CCDC178: variants seen among roughly 807,000 people sequenced by gnomAD.
The protein encoded by CCDC178 is coiled-coil domain containing 178, also known as coiled-coil domain-containing protein 178.
A neutral mutation model predicts 117.4 loss-of-function variants in CCDC178; 126 were observed. The observed-to-expected ratio is 1.07, with a 90% CI of 0.93 to 1.24. The LOEUF (loss-of-function observed/expected upper bound fraction) is 1.24. CCDC178 is among the 50% of genes most tolerant of loss of function. CCDC178 has a pLI of 0.00. For synonymous variants in CCDC178, 283 were observed against 313.4 expected, an observed-to-expected ratio of 0.90 and a Z score of 1.02; for missense variants, 1,030 against 986.9, an observed-to-expected ratio of 1.04 and a Z score of -0.59.
At chr18:33,090,644 G>A (rs922945822) in intron 21 of CCDC178, among the ~76,000 whole-genome samples, 1 of 152,136 alleles carries the variant, frequency 6.6e-6, no homozygotes, top group Non-Finnish European at 1.5e-5. Context: ...CATCAATAAG[G>A]CCTCTCTGTC....
chr18:33,092,114 G>A (rs1411189141), intron 21 of CCDC178, among the ~76,000 whole-genome samples: 1 of 151,938 alleles, frequency 6.6e-6, no homozygotes, highest in Non-Finnish European at 1.5e-5. Flanking sequence ...TGAATCCTGG[G>A]GGAAAACAAA....
chr18:33,111,589 A>G (rs1202529669), intron 20 of CCDC178, among the ~76,000 whole-genome samples: 2 of 151,634 alleles, frequency 1.3e-5, no homozygotes, highest in Non-Finnish European at 3.0e-5. Context: ...CAAGTTATTA[A>G]TTACCTTTTC....
chr18:33,310,216 C>A (rs1044204706), intron 11 of CCDC178, among the ~76,000 whole-genome samples: 9 of 152,050 alleles, frequency 5.9e-5, no homozygotes, highest in Non-Finnish European at 1.0e-4. Context: ...ACCTCGGCCT[C>A]CCAAAATGCT....
At chr18:33,260,509 T>C (rs2059731125) in intron 14 of CCDC178, among the ~76,000 whole-genome samples, 2 of 151,346 alleles carry the variant, frequency 1.3e-5, no homozygotes, top group South Asian at 4.1e-4. Context: ...ACCAATTTTT[T>C]TGGTTTATCA....
Position 33,215,556 on chromosome 18 carries a change from AT to A in CCDC178, c.2071del (p.Ile691TyrfsTer2). The A allele has an allele frequency of 7.2e-7, 1 of 1,386,970 alleles. No homozygotes were observed. The highest frequency in any genetic ancestry group is 9.6e-7 in the Non-Finnish European group (1 of 1,037,322). 85.9% of individuals were successfully genotyped at this position (1,386,970 alleles called of 1,614,324 possible). On this transcript the variant is annotated frameshift_variant, in exon 19 of 23. Coordinates refer to ENST00000383096, the MANE Select transcript of CCDC178 (RefSeq NM_001105528.4). LOFTEE classifies it high-confidence loss of function. Reference sequence around the variant, plus strand: ...ATAAAGTTTAAGTACTTACTTTAATATTTCAAGTGTCTGATCAAAACTTTTC... The same window carrying A: ...ATAAAGTTTAAGTACTTACTTTAATATTCAAGTGTCTGATCAAAACTTTTC... ...EKKSFDQTLE[I>X]LKNKFITMRF...
chr18:33,410,742 G>A (rs1372885169), intron 3 of CCDC178, among the ~76,000 whole-genome samples: 3 of 152,194 alleles, frequency 2.0e-5, no homozygotes, highest in African/African-American at 7.2e-5. Context: ...CCATCAAGAG[G>A]TGGAGTCTAA....
intron 2 of CCDC178, among the ~76,000 whole-genome samples, chr18:33,437,218 A>G (rs1347493852): frequency 6.6e-6 from 1 of 152,236 alleles, no homozygotes; most frequent in Non-Finnish European, 1.5e-5. Context: ...TTTTTACCTC[A>G]AGGAAAACAA....
chr18:33,425,821 A>T (rs1406198983), intron 2 of CCDC178, among the ~76,000 whole-genome samples: 1 of 152,154 alleles, frequency 6.6e-6, no homozygotes, highest in Non-Finnish European at 1.5e-5. Flanking sequence ...ACATTTCTAG[A>T]GGCTCTCTTC....
intron 11 of CCDC178, among the ~76,000 whole-genome samples, chr18:33,310,436 A>T (rs2144949141): frequency 1.3e-5 from 2 of 152,340 alleles, no homozygotes; most frequent in Middle Eastern, 6.8e-3. Flanking sequence ...TCACACCTGT[A>T]ATCTCAGCAC....
chr18:33,258,460 C>T (rs560456396), intron 14 of CCDC178, among the ~76,000 whole-genome samples: 37 of 152,220 alleles, frequency 2.4e-4, no homozygotes, highest in African/African-American at 7.7e-4. Flanking sequence ...GAGGTGACAC[C>T]GAATATTCTT....
At chr18:32,947,134 T>TA (rs2054374982) in intron 22 of CCDC178, among the ~76,000 whole-genome samples, 1 of 152,118 alleles carries the variant, frequency 6.6e-6, no homozygotes, top group Non-Finnish European at 1.5e-5. Context: ...CGAGGGGACT[T>TA]ACAAAGAAGA....
At chr18:33,026,265 T>C (rs753354356) in intron 21 of CCDC178, among the ~76,000 whole-genome samples, 2 of 152,078 alleles carry the variant, frequency 1.3e-5, no homozygotes, top group Non-Finnish European at 2.9e-5. Flanking sequence ...GGAATCCTGG[T>C]GTTAATCAGC....
chr18:33,082,576 G>A (rs2057314670), intron 21 of CCDC178, among the ~76,000 whole-genome samples: 1 of 152,154 alleles, frequency 6.6e-6, no homozygotes, highest in Non-Finnish European at 1.5e-5. Flanking sequence ...AAATGATTGT[G>A]TGGCTCACTA....
chr18:33,268,362 T>C (rs1053549157), intron 12 of CCDC178, among the ~76,000 whole-genome samples: 2 of 151,692 alleles, frequency 1.3e-5, no homozygotes, highest in Admixed American at 1.3e-4. Flanking sequence ...CTGAATTCAG[T>C]GAGAGAGAAG....
chr18:33,141,012 C>CCCTGAACAAGCTCTCTCTTTGCCTGTT (rs375331521), intron 20 of CCDC178, among the ~76,000 whole-genome samples: 44 of 152,214 alleles, frequency 2.9e-4, no homozygotes, highest in African/African-American at 1.0e-3. Context: ...ATGGGAGTTT[C>CCCTGAACAAGCTCTCTCTTTGCCTGTT]CCTGAACAAG....
intron 21 of CCDC178, among the ~76,000 whole-genome samples, chr18:33,022,274 A>C (rs2144832328): frequency 6.6e-6 from 1 of 152,328 alleles, no homozygotes; most frequent in South Asian, 2.1e-4. Context: ...ACAGAAAGGA[A>C]ATGATAAAGG....
chr18:33,205,974 A>C (rs753637626), intron 20 of CCDC178, among the ~76,000 whole-genome samples: 1 of 152,184 alleles, frequency 6.6e-6, no homozygotes, highest in Admixed American at 6.5e-5. Context: ...GATTGCAGGC[A>C]TGCCTCACAG....
chr18:32,944,919 G>A (rs569067436), intron 22 of CCDC178, among the ~76,000 whole-genome samples: 11 of 152,210 alleles, frequency 7.2e-5, no homozygotes, highest in South Asian at 2.1e-4. Flanking sequence ...GCCTTCTGCC[G>A]TGACTGTGAG....
chr18:33,227,281 CA>C (rs2144638196), intron 15 of CCDC178, among the ~76,000 whole-genome samples: 1 of 148,738 alleles, frequency 6.7e-6, no homozygotes, highest in South Asian at 2.1e-4. Context: ...TTAGCTAGAA[CA>C]ATTCCTTTTT....
Sources: allele counts gnomAD v4.1 joint callset (sites outside exome capture counted in the v4.1 genomes callset), GRCh38; gene constraint gnomAD v4.1.1; transcripts MANE v1.5; gene names NCBI Gene and HGNC (gene_info 2026-07-23, HGNC 2026-07-21).